Variants in IQCJ observed in about 807,000 individuals in gnomAD.
IQCJ encodes IQ motif containing J.
Under a neutral mutation model 11.0 loss-of-function variants are expected in IQCJ, and 9 were observed. The observed-to-expected ratio is 0.82, with a 90% CI of 0.49 to 1.43. IQCJ has a LOEUF of 1.43. Among genes scored for constraint, IQCJ ranks in the 40% most tolerant of loss-of-function variants. The pLI is 0.00. For synonymous variants in IQCJ, 55 were observed against 51.3 expected, an observed-to-expected ratio of 1.07 and a Z score of -0.31; for missense variants, 146 against 133.2, an observed-to-expected ratio of 1.10 and a Z score of -0.47.
In IQCJ at chr3:159,248,343, G is replaced by A. The variant is rs150905664; in HGVS notation, c.74+2436G>A. Among the ~76,000 whole-genome samples, 413 of 152,252 alleles carry A rather than the reference G, an allele frequency of 2.7e-3. 2 individuals are homozygous for A. Among genetic ancestry groups the A allele is most frequent in the Admixed American group, 0.019 (286 of 15,296 alleles). On this transcript the variant is annotated intron_variant, in intron 2 of 3. Transcript: ENST00000397832. The stretch of plus-strand genomic sequence containing the variant: ...GATTGAAAGGAAGTTTCAGCCCTTT[G>A]ACCAAATGAAGTTTCTGTTCATTTA...
intron 1 of IQCJ, among the ~76,000 whole-genome samples, chr3:159,090,524 G>A (rs989391587): frequency 6.6e-6 from 1 of 151,796 alleles, no homozygotes; most frequent in Non-Finnish European, 1.5e-5. Flanking sequence ...GCTGGTCCAG[G>A]TCTATTCATG....
At chr3:159,245,430 A>G (rs184783047) in intron 1 of IQCJ, among the ~76,000 whole-genome samples, 44 of 151,430 alleles carry the variant, frequency 2.9e-4, no homozygotes, top group African/African-American at 1.0e-3. Context: ...GTGTGTTTAA[A>G]CACTTAACCA....
At chr3:159,140,048 A>G (rs974331905) in intron 1 of IQCJ, among the ~76,000 whole-genome samples, 3 of 152,180 alleles carry the variant, frequency 2.0e-5, no homozygotes, top group Non-Finnish European at 4.4e-5. Context: ...AGCAGAAAGT[A>G]AAGAGTTCCC....
intron 1 of IQCJ, among the ~76,000 whole-genome samples, chr3:159,176,583 C>G (rs1436413025): frequency 6.6e-6 from 1 of 151,998 alleles, no homozygotes; most frequent in Non-Finnish European, 1.5e-5. Context: ...GAATGCAAGC[C>G]ACACATATAA....
At chr3:159,137,562 A>G (rs1349886268) in intron 1 of IQCJ, among the ~76,000 whole-genome samples, 1 of 152,218 alleles carries the variant, frequency 6.6e-6, no homozygotes, top group African/African-American at 2.4e-5. Flanking sequence ...AAATTGGGAC[A>G]GTATCTCTGT....
chr3:159,115,771 T>TA (rs1429352271), intron 1 of IQCJ, among the ~76,000 whole-genome samples: 2 of 152,054 alleles, frequency 1.3e-5, no homozygotes, highest in African/African-American at 4.8e-5. Context: ...ATGTTTTTTT[T>TA]AAAAAATAGC....
rs1194197664 is a variant in IQCJ, at chr3:159,263,056, G to C, written c.*325G>C. The C allele has an allele frequency of 2.0e-6, 2 of 1,007,848 alleles. No individual in the cohort carries two copies. The highest frequency in any genetic ancestry group is 2.4e-6 in the Non-Finnish European group (2 of 843,888). 62.4% of individuals were successfully genotyped at this position (1,007,848 alleles called of 1,614,324 possible). A position where few individuals can be genotyped will look rare whatever the true frequency, so the allele number is the denominator to read the frequency against. The stretch of plus-strand genomic sequence containing the variant: ...AAGATAAGATTGGTTATAAGGAGTA[G>C]AAAGAGAACTTTTACCAGAAGAATT... On this transcript the variant is annotated 3_prime_UTR_variant, in exon 4 of 4. Transcript: ENST00000397832.
intron 1 of IQCJ, among the ~76,000 whole-genome samples, chr3:159,132,840 G>A (rs780363195): frequency 3.3e-5 from 5 of 152,130 alleles, no homozygotes; most frequent in Admixed American, 6.6e-5. Flanking sequence ...AAGCAAAAAC[G>A]TGAGAATACT....
intron 1 of IQCJ, among the ~76,000 whole-genome samples, chr3:159,087,960 G>A (rs1305046743): frequency 1.3e-5 from 2 of 149,306 alleles, no homozygotes; most frequent in African/African-American, 2.5e-5. Flanking sequence ...CCTTCTGCTA[G>A]CTTTTGAATG....
chr3:159,151,916 G>A (rs535621587), intron 1 of IQCJ, among the ~76,000 whole-genome samples: 1 of 152,202 alleles, frequency 6.6e-6, no homozygotes, highest in East Asian at 1.9e-4. Context: ...TTACAGGCGT[G>A]AGCCATCACA....
chr3:159,077,344 TA>T (rs1320200854), intron 1 of IQCJ, among the ~76,000 whole-genome samples: 1 of 152,170 alleles, frequency 6.6e-6, no homozygotes, highest in African/African-American at 2.4e-5. Context: ...CTATCAATTT[TA>T]CTTATAAGAA....
intron 1 of IQCJ, among the ~76,000 whole-genome samples, chr3:159,235,442 T>G (rs1726521564): frequency 6.6e-6 from 1 of 152,190 alleles, no homozygotes; most frequent in African/African-American, 2.4e-5. Flanking sequence ...ATGTACTACT[T>G]ATGGAAAGGA....
rs61461730 is a variant in IQCJ at position 159,103,110 on chromosome 3, G to T, written c.9+33669G>T. Among the ~76,000 whole-genome samples, 164 of 152,204 alleles carry T rather than the reference G, an allele frequency of 1.1e-3. 5 individuals carry two copies. In the East Asian group the frequency reaches 0.03, roughly 28 times the overall value. On this transcript the variant is annotated intron_variant, in intron 1 of 3. Coordinates refer to ENST00000397832, the MANE Select transcript of IQCJ (RefSeq NM_001042706.3). The stretch of plus-strand genomic sequence containing the variant: ...TATTGTGAATTAATGGTATATTTCA[G>T]TTATGTCTCTGATTCACATCATGGA...
At chr3:159,132,193 G>A (rs531452696) in intron 1 of IQCJ, among the ~76,000 whole-genome samples, 14 of 152,236 alleles carry the variant, frequency 9.2e-5, no homozygotes, top group Non-Finnish European at 1.9e-4. Flanking sequence ...TTGTTTGTTT[G>A]TTTTTTAAGA....
chr3:159,219,707 G>A (rs891619655), intron 1 of IQCJ, among the ~76,000 whole-genome samples: 3 of 152,062 alleles, frequency 2.0e-5, no homozygotes, highest in African/African-American at 4.8e-5. Flanking sequence ...ATTGACTTGC[G>A]GGCCTGTCTT....
intron 1 of IQCJ, among the ~76,000 whole-genome samples, chr3:159,138,125 C>T (rs1023048585): frequency 7.9e-5 from 12 of 152,164 alleles, no homozygotes; most frequent in African/African-American, 2.7e-4. Context: ...TGCACAGTGA[C>T]GTGTTCCTGC....
chr3:159,185,391 T>C (rs1723318869), intron 1 of IQCJ, among the ~76,000 whole-genome samples: 1 of 152,118 alleles, frequency 6.6e-6, no homozygotes, highest in African/African-American at 2.4e-5. Context: ...CTAGTCTCTG[T>C]GGTATGGTGG....
downstream of IQCJ, chr3:159,265,622 C>T: frequency 6.8e-6 from 3 of 441,944 alleles, no homozygotes; most frequent in South Asian, 5.3e-5. Context: ...TGAACCTCAG[C>T]CCTCTTTCTC....
intron 1 of IQCJ, among the ~76,000 whole-genome samples, chr3:159,217,487 T>C (rs1289324551): frequency 2.0e-5 from 3 of 152,180 alleles, no homozygotes; most frequent in Admixed American, 6.6e-5. Flanking sequence ...GGAATGTTGA[T>C]TCCCACTCAA....
Sources: gnomAD v4.1 joint callset for allele counts (sites outside exome capture counted in the v4.1 genomes callset) on GRCh38, gnomAD v4.1.1 for gene constraint, MANE v1.5 for transcripts, NCBI Gene and HGNC (gene_info 2026-07-23, HGNC 2026-07-21) for gene names.